The following RAB3IL1 variants were observed in gnomAD, a reference collection of about 807,000 sequenced individuals.
RAB3IL1 encodes the protein guanine nucleotide exchange factor for Rab-3A.
A neutral mutation model predicts 49.2 loss-of-function variants in RAB3IL1; 37 were observed. The observed-to-expected ratio is 0.75, with a 90% confidence interval of 0.58 to 0.99. The LOEUF (loss-of-function observed/expected upper bound fraction) is 0.99. Among genes scored for constraint, RAB3IL1 ranks in the 50% least tolerant of loss-of-function variants. The pLI, the probability that RAB3IL1 is intolerant of heterozygous loss-of-function variation, is 0.00. For missense variants in RAB3IL1, 484 were observed against 513.0 expected (o/e 0.94, Z 0.55); for synonymous variants, 193 against 213.9 (o/e 0.90, Z 0.85).
chr11:61,940,927 A>C, the RAB3IL1 span, among the ~76,000 whole-genome samples: 1 of 151,980 alleles, frequency 6.6e-6, no homozygotes, highest in Non-Finnish European at 1.5e-5. Context: ...CTCAAAAAAA[A>C]AAATGTAAAA....
chr11:61,934,442 G>GTA, the RAB3IL1 span, among the ~76,000 whole-genome samples: 12 of 18,686 alleles, frequency 6.4e-4, no homozygotes, highest in South Asian at 7.0e-3. Flanking sequence ...GTGTGTGTGT[G>GTA]TGTGTATGTA....
At chr11:61,904,983 G>A (rs1939114070) in intron 5 of RAB3IL1, 101 bp from the exon 6 acceptor site, 1 of 879,092 alleles carries the variant, frequency 1.1e-6, no homozygotes, top group South Asian at 1.7e-5. Context: ...ACGTGGGGCA[G>A]GCCCAGCAAG....
the RAB3IL1 span, among the ~76,000 whole-genome samples, chr11:61,943,450 T>C: frequency 1.5e-4 from 23 of 152,190 alleles, no homozygotes; most frequent in African/African-American, 5.5e-4. Context: ...TTTATCTAAA[T>C]TAAAATTTTA....
chr11:61,945,790 G>C, the RAB3IL1 span: 3 of 985,400 alleles, frequency 3.0e-6, no homozygotes, highest in Non-Finnish European at 3.6e-6. Flanking sequence ...ACTGCAGCCT[G>C]GCAGAGTCCA....
chr11:61,919,420 G>A (rs944405279), upstream of RAB3IL1, among the ~76,000 whole-genome samples: 1 of 152,192 alleles, frequency 6.6e-6, no homozygotes, highest in African/African-American at 2.4e-5. Context: ...CCCCCAGTAG[G>A]GAGGACCCTC....
chr11:61,916,927 C>T (rs975142657), intron 1 of RAB3IL1, among the ~76,000 whole-genome samples: 2 of 152,078 alleles, frequency 1.3e-5, no homozygotes, highest in Admixed American at 1.3e-4. Context: ...TTGGGAGCCA[C>T]CCTGGCAAAG....
At chr11:61,911,749 G>A (rs1939461826) in intron 1 of RAB3IL1, among the ~76,000 whole-genome samples, 1 of 152,164 alleles carries the variant, frequency 6.6e-6, no homozygotes, top group Non-Finnish European at 1.5e-5. Context: ...GGTAGATGGG[G>A]CACCCAGCCA....
the RAB3IL1 span, among the ~76,000 whole-genome samples, chr11:61,938,931 T>TA: frequency 3.4e-5 from 5 of 148,974 alleles, no homozygotes; most frequent in South Asian, 2.3e-4. Flanking sequence ...TCTCAAAAAA[T>TA]AAAAAAAAGT....
intron 2 of RAB3IL1, 43 bp downstream of exon 2, chr11:61,908,011 C>A: frequency 6.4e-7 from 1 of 1,567,192 alleles, no homozygotes; most frequent in South Asian, 1.2e-5. Context: ...CCCAACCTGA[C>A]TTCTCCCCAC....
the RAB3IL1 span, among the ~76,000 whole-genome samples, chr11:61,931,500 G>A: frequency 2.0e-5 from 3 of 152,086 alleles, no homozygotes; most frequent in South Asian, 2.1e-4. Flanking sequence ...TTAAGATCTC[G>A]CTCTTAATAA....
At chr11:61,918,554 G>T (rs879872311), upstream of RAB3IL1, among the ~76,000 whole-genome samples, 3 of 152,236 alleles carry the variant, frequency 2.0e-5, no homozygotes, top group Non-Finnish European at 4.4e-5. Flanking sequence ...CATAGACTAT[G>T]GGGCATGCAA....
chr11:61,922,838 C>T (rs2134377101), upstream of RAB3IL1, among the ~76,000 whole-genome samples: 1 of 152,374 alleles, frequency 6.6e-6, no homozygotes, highest in African/African-American at 2.4e-5. Flanking sequence ...CTCCCACCCG[C>T]TTCCTGTTTT....
At chr11:61,908,642 C>T (rs1939326396) in intron 1 of RAB3IL1, among the ~76,000 whole-genome samples, 1 of 152,196 alleles carries the variant, frequency 6.6e-6, no homozygotes, top group Non-Finnish European at 1.5e-5. Flanking sequence ...GGTTGAGTCC[C>T]ACTTGTATTA....
chr11:61,908,187 G>A lies in RAB3IL1; in HGVS notation c.131C>T (p.Ala44Val). Residue 44 changes from alanine to valine, a missense_variant, in exon 2 of 10, where the codon GCA becomes GTA. Physicochemically the swap from Ala to Val is moderately conservative, Grantham distance 64. Coordinates refer to ENST00000394836, the MANE Select transcript of RAB3IL1 (RefSeq NM_013401.4). ...ESPGALVETS[A>V]GEEAQGQEGP... ...CTCCTGGCCTTGGGCCTCCTCCCCT[G>A]CAGAGGTCTCCACCAGGGCTCCTGG... The A allele has an allele frequency of 6.4e-7, 1 of 1,552,138 alleles. No individual in the cohort carries two copies. The highest frequency in any genetic ancestry group is 8.7e-7 in the Non-Finnish European group (1 of 1,149,868).
At chr11:61,935,435 A>G in the RAB3IL1 span, among the ~76,000 whole-genome samples, 127,665 of 144,638 alleles carry the variant, frequency 0.88, 55,704 homozygotes, top group Non-Finnish European at 0.92. Flanking sequence ...AAAAAAAAAA[A>G]AAAGAAAGAA....
chr11:61,940,688 C>T, the RAB3IL1 span, among the ~76,000 whole-genome samples: 54,055 of 151,466 alleles, frequency 0.36, 9,973 homozygotes, highest in South Asian at 0.64. Flanking sequence ...TTCGGGAAGA[C>T]GAGGTGGGCG....
At position 61,906,022 on chromosome 11, in the gene RAB3IL1, C is replaced by A. The variant is rs1408975484; in HGVS notation, c.657+444G>T. ...CCCCACAGTCAGAGGGTGCCAGAAA[C>A]CCCTTGAGCACAGGGCTGTCACCAG... On this transcript the variant is annotated intron_variant, in intron 5 of 9. Coordinates refer to ENST00000394836, the MANE Select transcript of RAB3IL1 (RefSeq NM_013401.4). This position sits in a 1 kb window ranked among gnomAD's most constrained non-coding sequence, Gnocchi z 4.6. Among the ~76,000 whole-genome samples the A allele has an allele frequency of 6.6e-6, 1 of 152,152 alleles. No homozygotes were observed. Among genetic ancestry groups the A allele is most frequent in the East Asian group, 1.9e-4 (1 of 5,166 alleles).
the RAB3IL1 span, among the ~76,000 whole-genome samples, chr11:61,928,744 T>A: frequency 6.6e-6 from 1 of 152,256 alleles, no homozygotes; most frequent in Non-Finnish European, 1.5e-5. Context: ...CAGAAGCAGA[T>A]TCAAATCCTC....
At chr11:61,926,108 A>G in the RAB3IL1 span, among the ~76,000 whole-genome samples, 1 of 127,312 alleles carries the variant, frequency 7.9e-6, no homozygotes, top group South Asian at 2.4e-4. Context: ...TCCTGCCAAA[A>G]AAAAAAAAAA....
Sources: gnomAD v4.1 joint callset for allele counts (sites outside exome capture counted in the v4.1 genomes callset) on GRCh38, gnomAD v4.1.1 for gene constraint, Gnocchi (gnomAD v3.1) non-coding constraint, MANE v1.5 for transcripts, NCBI Gene and HGNC (gene_info 2026-07-23, HGNC 2026-07-21) for gene names.